COG5: variants seen among roughly 807,000 people sequenced by gnomAD.
COG5 encodes component of oligomeric golgi complex 5.
COG5 carries 86 observed loss-of-function variants against 110.4 expected under a neutral mutation model. The ratio of observed to expected loss-of-function variants is 0.78; its 90% CI spans 0.65 to 0.93. COG5 has a LOEUF of 0.93. COG5 is among the 40% of genes least tolerant of loss of function. The pLI is 0.00. For missense variants in COG5, 1,077 were observed against 987.0 expected, an observed-to-expected ratio of 1.09 and a Z score of -1.22; for synonymous variants, 360 against 334.6, an observed-to-expected ratio of 1.08 and a Z score of -0.83.
chr7:107,430,210 A>T (rs1793922894), intron 6 of COG5, among the ~76,000 whole-genome samples: 1 of 152,208 alleles, frequency 6.6e-6, no homozygotes, highest in Non-Finnish European at 1.5e-5. Flanking sequence ...TTCTTCTAAC[A>T]GATTGTATGG....
intron 16 of COG5, among the ~76,000 whole-genome samples, chr7:107,253,657 G>A (rs1802678297): frequency 6.6e-6 from 1 of 152,096 alleles, no homozygotes. Context: ...ACAATGTTTA[G>A]AATATGTGAT....
intron 6 of COG5, among the ~76,000 whole-genome samples, chr7:107,440,125 AG>A (rs1393623435): frequency 6.6e-6 from 1 of 152,204 alleles, no homozygotes; most frequent in African/African-American, 2.4e-5. Flanking sequence ...ACATCAGTAA[AG>A]GGTACTGTGT....
chr7:107,491,089 A>G (rs1797947900), intron 6 of COG5, among the ~76,000 whole-genome samples: 1 of 152,106 alleles, frequency 6.6e-6, no homozygotes, highest in Non-Finnish European at 1.5e-5. Context: ...TTTCATACTT[A>G]GTTTTAGGTA....
intron 6 of COG5, among the ~76,000 whole-genome samples, chr7:107,452,952 A>G (rs1795430550): frequency 6.6e-6 from 1 of 152,138 alleles, no homozygotes; most frequent in Admixed American, 6.5e-5. Context: ...CCTGCAGACT[A>G]GTGTCTGTCT....
chr7:107,340,923 T>C (rs939083132), intron 10 of COG5, among the ~76,000 whole-genome samples: 4 of 152,108 alleles, frequency 2.6e-5, no homozygotes, highest in African/African-American at 9.7e-5. Flanking sequence ...GCCAACATCA[T>C]ACTGAATGGA....
intron 6 of COG5, among the ~76,000 whole-genome samples, chr7:107,432,052 G>C (rs1019708315): frequency 1.3e-5 from 2 of 152,080 alleles, no homozygotes; most frequent in South Asian, 2.1e-4. Flanking sequence ...GTGTGTGCAT[G>C]AACATTTTAT....
At chr7:107,233,613 T>A (rs1800935020) in intron 18 of COG5, among the ~76,000 whole-genome samples, 1 of 152,192 alleles carries the variant, frequency 6.6e-6, no homozygotes, top group African/African-American at 2.4e-5. Context: ...CTTCTTGAGC[T>A]CTTTTTGTTA....
chr7:107,562,024 G>T (rs1033996469), intron 1 of COG5, among the ~76,000 whole-genome samples: 1 of 152,040 alleles, frequency 6.6e-6, no homozygotes, highest in Non-Finnish European at 1.5e-5. Context: ...CTCCACTTCC[G>T]TTGCAATTGA....
Position 107,563,861 on chromosome 7 carries a change from G to A in COG5, c.36C>T (p.Gly12=), listed in dbSNP as rs749464542. Residue 12 remains glycine, a synonymous_variant, in exon 1 of 22, where the codon GGC becomes GGT. Coordinates refer to ENST00000297135, the MANE Select transcript of COG5 (RefSeq NM_006348.5). ...CCGCTCCAGAGCCTCGAGCTCCGAGGCCAGCTACAGCGACGCTGCCGCCGC... is the reference window on the plus strand; with the variant it reads ...CCGCTCCAGAGCCTCGAGCTCCGAGACCAGCTACAGCGACGCTGCCGCCGC... ...EGGGGSVAVA[G]LGARGSGAAA... The A allele has an allele frequency of 2.5e-6, 4 of 1,613,642 alleles. No individual in the cohort carries two copies. The highest frequency in any genetic ancestry group is 2.2e-5 in the South Asian group (2 of 91,086).
intron 6 of COG5, among the ~76,000 whole-genome samples, chr7:107,494,074 T>C (rs1798123938): frequency 6.6e-6 from 1 of 152,130 alleles, no homozygotes; most frequent in Non-Finnish European, 1.5e-5. Flanking sequence ...CGTTTGTTCT[T>C]TGGGAGTACA....
chr7:107,308,599 T>C (rs1562961783), intron 11 of COG5, among the ~76,000 whole-genome samples: 2 of 152,130 alleles, frequency 1.3e-5, no homozygotes, highest in African/African-American at 4.8e-5. Flanking sequence ...AATACTTAAA[T>C]AAATAGAAAT....
intron 10 of COG5, among the ~76,000 whole-genome samples, chr7:107,352,467 A>C (rs561157936): frequency 6.6e-6 from 1 of 151,922 alleles, no homozygotes; most frequent in South Asian, 2.1e-4. Flanking sequence ...AATAATAATA[A>C]AATTGAAAAA....
chr7:107,284,442 G>A (rs1000329152), intron 12 of COG5, among the ~76,000 whole-genome samples: 49 of 152,172 alleles, frequency 3.2e-4, no homozygotes, highest in African/African-American at 1.1e-3. Flanking sequence ...CATTAGCTTG[G>A]CCCTTTCCAT....
chr7:107,558,514 G>A (rs1478271784), intron 1 of COG5, among the ~76,000 whole-genome samples: 2 of 152,092 alleles, frequency 1.3e-5, no homozygotes, highest in Admixed American at 1.3e-4. Context: ...TGAAGTGGAA[G>A]AATAGCTTGA....
At chr7:107,368,008 A>G (rs1404421403) in intron 8 of COG5, among the ~76,000 whole-genome samples, 1 of 152,176 alleles carries the variant, frequency 6.6e-6, no homozygotes, top group African/African-American at 2.4e-5. Flanking sequence ...TAAAATGTAA[A>G]AAACATTAAT....
chr7:107,354,224 T>C, intron 10 of COG5, among the ~76,000 whole-genome samples: 1 of 152,202 alleles, frequency 6.6e-6, no homozygotes, highest in Middle Eastern at 3.2e-3. Flanking sequence ...GGAAGCATGA[T>C]CAATAATTTA....
chr7:107,366,658 C>T (rs1043238780), intron 8 of COG5, among the ~76,000 whole-genome samples: 2 of 152,028 alleles, frequency 1.3e-5, no homozygotes, highest in African/African-American at 4.8e-5. Context: ...TCTCATAATT[C>T]TCTAATACAA....
At chr7:107,337,839 TG>T (rs1810836373) in intron 10 of COG5, among the ~76,000 whole-genome samples, 1 of 152,136 alleles carries the variant, frequency 6.6e-6, no homozygotes, top group Non-Finnish European at 1.5e-5. Context: ...CCTGAGGAGA[TG>T]AATACCCTAA....
At chr7:107,339,883 T>G (rs1294773574) in intron 10 of COG5, among the ~76,000 whole-genome samples, 5 of 152,036 alleles carry the variant, frequency 3.3e-5, no homozygotes, top group African/African-American at 1.2e-4. Context: ...AGGAAAGTTT[T>G]AAGTGCCAAA....
Sources: gnomAD v4.1 joint callset for allele counts (sites outside exome capture counted in the v4.1 genomes callset) on GRCh38, gnomAD v4.1.1 for gene constraint, MANE v1.5 for transcripts, NCBI Gene and HGNC (gene_info 2026-07-23, HGNC 2026-07-21) for gene names.